PHF8: variants seen among roughly 807,000 people sequenced by gnomAD.
PHF8 encodes PHD finger protein 8.
In PHF8, 9 loss-of-function variants were observed where a neutral mutation model predicts 74.4. That is an observed-to-expected ratio of 0.12 (90% CI 0.07 to 0.21). The LOEUF (loss-of-function observed/expected upper bound fraction) is 0.21, where lower values mean the gene tolerates loss of function less well. PHF8 is among the 10% of genes least tolerant of loss of function. The pLI is 1.00. For missense variants in PHF8, 478 were observed against 816.6 expected, an observed-to-expected ratio of 0.59 and a Z score of 5.05; for synonymous variants, 311 against 316.6, an observed-to-expected ratio of 0.98 and a Z score of 0.19.
At chrX:54,036,415 T>C (rs2066456624) in intron 2 of PHF8, among the ~76,000 whole-genome samples, 1 of 107,536 alleles carries the variant, frequency 9.3e-6, no homozygotes, top group Non-Finnish European at 1.9e-5. Flanking sequence ...ACAACATACT[T>C]CTATACTTCA....
intron 18 of PHF8, among the ~76,000 whole-genome samples, chrX:53,977,194 G>A (rs1426835279): frequency 1.8e-5 from 2 of 110,982 alleles, no homozygotes; most frequent in African/African-American, 6.6e-5. Flanking sequence ...ATTAGCTGGG[G>A]AATGGTGGCA....
chrX:54,016,799 C>T, intron 5 of PHF8, 63 bp from the exon 6 acceptor site: 1 of 908,085 alleles, frequency 1.1e-6, no homozygotes, highest in Non-Finnish European at 1.6e-6. Context: ...CTCTCTTGTC[C>T]CCTCATCAGT....
At chrX:53,992,527 C>T (rs1316026354) in intron 14 of PHF8, among the ~76,000 whole-genome samples, 2 of 111,610 alleles carry the variant, frequency 1.8e-5, no homozygotes, top group African/African-American at 3.3e-5. Context: ...CTTGCCAATT[C>T]GATTTCAGAC....
Position 53,937,846 on chromosome X carries a change from G to T in PHF8, c.*1312C>A. 1 of 514,705 alleles carries T rather than the reference G, an allele frequency of 1.9e-6. No individual in the cohort carries two copies. 42.4% of individuals were successfully genotyped at this position (514,705 alleles called of 1,213,427 possible). On this transcript the variant is annotated 3_prime_UTR_variant, in exon 22 of 22. Coordinates refer to ENST00000338154, the MANE Select transcript of PHF8 (RefSeq NM_015107.3). ...CACTTGGGTAGTGCCAAATGGAGGT[G>T]GGGGGATGTTCTCCATCGAGTCCAG...
chrX:53,997,728 C>G (rs141655484), intron 11 of PHF8, among the ~76,000 whole-genome samples: 23 of 111,972 alleles, frequency 2.1e-4, no homozygotes, highest in African/African-American at 7.5e-4. Flanking sequence ...GCCACACCCA[C>G]CTCCCTTTTG....
intron 18 of PHF8, among the ~76,000 whole-genome samples, chrX:53,963,513 AG>A (rs782820566): frequency 2.6e-4 from 29 of 112,366 alleles, no homozygotes; most frequent in African/African-American, 9.0e-4. Flanking sequence ...ATGCACACAA[AG>A]GGAACAAAAA....
At chrX:54,039,123 G>A (rs1404089932) in intron 2 of PHF8, among the ~76,000 whole-genome samples, 1 of 89,204 alleles carries the variant, frequency 1.1e-5, no homozygotes, top group East Asian at 3.5e-4. Flanking sequence ...AACAGAGTGA[G>A]ACTCTGTCTC....
In PHF8 at chrX:54,044,395, AACAGCTACCAT is replaced by A; in HGVS notation, c.-737_-727del. 1.3e-6 allele frequency: 1 copy of A among 752,777 alleles called. No individual in the cohort carries two copies. The highest frequency in any genetic ancestry group is 6.7e-5 in the South Asian group (1 of 14,846). 62.0% of individuals were successfully genotyped at this position (752,777 alleles called of 1,213,427 possible). ...GAGAGGGGAGGAGAAATACGGGATA[AACAGCTACCAT>A]GTTGAGAGTGGCGGCGCTACCCAGA... On this transcript the variant is annotated 5_prime_UTR_variant, in exon 1 of 22. An upstream start codon of the reference 5' UTR is lost. Coordinates refer to ENST00000338154, the MANE Select transcript of PHF8 (RefSeq NM_015107.3).
chrX:53,994,096 T>C (rs191721387), intron 12 of PHF8, among the ~76,000 whole-genome samples, 193 bp from the exon 13 acceptor site: 4 of 112,078 alleles, frequency 3.6e-5, no homozygotes, highest in East Asian at 5.6e-4. Context: ...TACCCAGCCA[T>C]TGACAAGTAA....
At chrX:53,961,741 G>A (rs1165406251) in intron 19 of PHF8, among the ~76,000 whole-genome samples, 1 of 111,396 alleles carries the variant, frequency 9.0e-6, no homozygotes, top group Non-Finnish European at 1.9e-5. Context: ...GTCTAAATAA[G>A]GCAGGGTGAG....
intron 11 of PHF8, among the ~76,000 whole-genome samples, chrX:53,998,596 T>C (rs1300099624): frequency 8.9e-6 from 1 of 111,931 alleles, no homozygotes; most frequent in African/African-American, 3.2e-5. Context: ...TTTTCATTAG[T>C]TTCTACATCC....
chrX:54,002,648 G>A lies in PHF8; in HGVS notation c.981C>T (p.Cys327=), dbSNP rs782585879. 4.0e-5 allele frequency: 48 copies of A among 1,203,278 alleles called. 1 individual carries two copies. In the South Asian group the frequency reaches 7.8e-4, roughly 19 times the overall value. The change falls in exon 9 of 22, where the codon TGC becomes TGT. Residue 327 remains cysteine (C), a synonymous_variant. Coordinates refer to ENST00000338154, the MANE Select transcript of PHF8 (RefSeq NM_015107.3). ...WIHAVLTPVD[C]LAFGGNFLHS... is the part of the protein sequence containing the mutation. Reference sequence around the variant, plus strand: ...GTAAGAAGTTCCCTCCAAAGGCAAGGCAGTCCACAGGCGTCAGCACAGCAT... The same window carrying A: ...GTAAGAAGTTCCCTCCAAAGGCAAGACAGTCCACAGGCGTCAGCACAGCAT...
At chrX:54,044,500 C>G (rs1218420095), upstream of PHF8, 3 of 635,767 alleles carry the variant, frequency 4.7e-6, no homozygotes, top group Non-Finnish European at 5.6e-6. Context: ...CGGGGAACCG[C>G]GAGCCGCCGG....
At position 54,043,992 on chromosome X, in the gene PHF8, C is replaced by G. The variant is rs1213074601; in HGVS notation, c.-323G>C. 13 of 755,015 alleles carry G rather than the reference C, an allele frequency of 1.7e-5. No individual in the cohort carries two copies. The South Asian group carries it at 8.7e-4, about 51-fold the overall frequency. The allele number at this position is 755,015 out of a possible 1,213,427, so 62.2% of individuals were successfully genotyped here. On this transcript the variant is annotated 5_prime_UTR_variant, in exon 1 of 22. Transcript: ENST00000338154. ...TTCCGGCCCCTACGGCGACGCGCGT[C>G]GAATTCTGGGATAGTCCCCGTACCG... is the stretch of plus-strand genomic sequence containing the variant.
At chrX:53,966,978 A>G (rs1423305770) in intron 18 of PHF8, among the ~76,000 whole-genome samples, 2 of 105,047 alleles carry the variant, frequency 1.9e-5, no homozygotes, top group Non-Finnish European at 3.9e-5. Flanking sequence ...CTGGGAAGGG[A>G]GGAGACCCTC....
intron 20 of PHF8, among the ~76,000 whole-genome samples, chrX:53,942,186 G>T (rs1198462226): frequency 1.8e-5 from 2 of 111,560 alleles, no homozygotes; most frequent in Non-Finnish European, 3.8e-5. Flanking sequence ...AAACTCCCTG[G>T]CCTGACATTC....
intron 2 of PHF8, among the ~76,000 whole-genome samples, chrX:54,041,245 G>A (rs1317997631): frequency 9.2e-6 from 1 of 109,031 alleles, no homozygotes; most frequent in Non-Finnish European, 1.9e-5. Context: ...TTTGCCGGGC[G>A]TGGTGGCGTG....
At chrX:54,011,352 C>A in intron 7 of PHF8, 68 bp from the exon 8 acceptor site, 1 of 888,618 alleles carries the variant, frequency 1.1e-6, no homozygotes, top group South Asian at 2.0e-5. Flanking sequence ...AACGGGTACT[C>A]CAAAGGGGTA....
At chrX:53,944,509 T>C (rs2064801874) in intron 19 of PHF8, 2 of 330,237 alleles carry the variant, frequency 6.1e-6, no homozygotes, top group Non-Finnish European at 1.1e-5. Flanking sequence ...GGTTCATGCC[T>C]GTAATCCCAT....
Sources: allele counts gnomAD v4.1 joint callset (sites outside exome capture counted in the v4.1 genomes callset), GRCh38; gene constraint gnomAD v4.1.1; transcripts MANE v1.5; gene names NCBI Gene and HGNC (gene_info 2026-07-23, HGNC 2026-07-21).